The following CACNA1C variants were observed in gnomAD, a reference collection of about 807,000 sequenced individuals.
CACNA1C encodes voltage-dependent L-type calcium channel subunit alpha-1C.
A neutral mutation model predicts 229.0 loss-of-function variants in CACNA1C; 30 were observed. The ratio of observed to expected loss-of-function variants is 0.13; its 90% CI spans 0.10 to 0.18. The LOEUF (loss-of-function observed/expected upper bound fraction) is 0.18, where lower values mean the gene tolerates loss of function less well. Among genes scored for constraint, CACNA1C ranks in the 10% least tolerant of loss-of-function variants. CACNA1C has a pLI of 1.00. For synonymous variants in CACNA1C, 1,114 were observed against 1,132.5 expected, an observed-to-expected ratio of 0.98 and a Z score of 0.33; for missense variants, 1,658 against 2,845.0, an observed-to-expected ratio of 0.58 and a Z score of 9.49.
chr12:2,302,697 C>T (rs762641691), intron 3 of CACNA1C, among the ~76,000 whole-genome samples: 9 of 152,176 alleles, frequency 5.9e-5, no homozygotes, highest in Non-Finnish European at 1.0e-4. Flanking sequence ...AGCTTATTCG[C>T]CAAAATGTAT....
intron 38 of CACNA1C, 103 bp downstream of exon 38, chr12:2,669,138 C>T: frequency 1.2e-6 from 1 of 824,796 alleles, no homozygotes; most frequent in Non-Finnish European, 2.1e-6. Context: ...CTTCCTGCCC[C>T]AGACAGCATC....
intron 1 of CACNA1C, chr12:1,993,227 A>C: frequency 6.2e-7 from 1 of 1,614,054 alleles, no homozygotes. Flanking sequence ...GCCAAACTTC[A>C]GAAGTAAAAC....
At chr12:1,973,039 A>G (rs2033034988) in intron 1 of CACNA1C, among the ~76,000 whole-genome samples, 1 of 152,208 alleles carries the variant, frequency 6.6e-6, no homozygotes, top group African/African-American at 2.4e-5. Flanking sequence ...TTTGCACTCA[A>G]AATGCTTTCC....
chr12:2,589,410 G>A (rs2064087307), intron 18 of CACNA1C, among the ~76,000 whole-genome samples: 1 of 152,254 alleles, frequency 6.6e-6, no homozygotes, highest in African/African-American at 2.4e-5. Flanking sequence ...AAAAGAACTA[G>A]ACATGGAATC....
chr12:2,098,231 C>G (rs2075064372), intron 1 of CACNA1C, among the ~76,000 whole-genome samples: 1 of 152,076 alleles, frequency 6.6e-6, no homozygotes, highest in Non-Finnish European at 1.5e-5. Flanking sequence ...TTTTTCGTTG[C>G]CTTCTACCTT....
intron 3 of CACNA1C, among the ~76,000 whole-genome samples, chr12:2,430,499 T>C (rs1180000435): frequency 6.6e-6 from 1 of 152,134 alleles, no homozygotes; most frequent in Non-Finnish European, 1.5e-5. Flanking sequence ...CAGAAAACTG[T>C]AGACCCATCC....
chr12:2,115,309 C>G lies in CACNA1C; in HGVS notation c.135C>G (p.Thr45=), dbSNP rs749123185. The change falls in exon 2 of 47, where the codon ACC becomes ACG. Residue 45 remains threonine, a synonymous_variant. Coordinates refer to ENST00000399655, the MANE Select transcript of CACNA1C (RefSeq NM_000719.7). Reference sequence around the variant, plus strand: ...GGCTGGCCCCTGAGCACATCCCCACCCCGGGGGCTGCCCTGTCGTGGCAGG... The same window carrying G: ...GGCTGGCCCCTGAGCACATCCCCACGCCGGGGGCTGCCCTGTCGTGGCAGG... ...AAGLAPEHIP[T]PGAALSWQAA... 142 of 1,594,360 alleles carry G rather than the reference C, an allele frequency of 8.9e-5. No homozygotes were observed. Among genetic ancestry groups the G allele is most frequent in the Non-Finnish European group, 1.1e-4 (127 of 1,172,368 alleles).
intron 5 of CACNA1C, among the ~76,000 whole-genome samples, chr12:2,462,591 A>G (rs552051916): frequency 6.6e-6 from 1 of 152,314 alleles, no homozygotes; most frequent in Admixed American, 6.5e-5. Context: ...GGTGATAAAT[A>G]TCTGTAGAAT....
intron 9 of CACNA1C, among the ~76,000 whole-genome samples, chr12:2,547,872 T>C (rs1187213844): frequency 6.6e-6 from 1 of 152,110 alleles, no homozygotes; most frequent in Non-Finnish European, 1.5e-5. Context: ...GAAGGTGCTG[T>C]CGTTATTTCC....
intron 3 of CACNA1C, among the ~76,000 whole-genome samples, chr12:2,316,032 C>A (rs1268274144): frequency 2.0e-5 from 3 of 152,212 alleles, no homozygotes; most frequent in African/African-American, 7.2e-5. Flanking sequence ...GTAAGAATAA[C>A]CATAAGTTAT....
At chr12:2,274,145 T>A (rs1383069339) in intron 3 of CACNA1C, among the ~76,000 whole-genome samples, 1 of 152,202 alleles carries the variant, frequency 6.6e-6, no homozygotes, top group Non-Finnish European at 1.5e-5. Context: ...GCCTCCTCGT[T>A]TATGGCAGCA....
intron 30 of CACNA1C, among the ~76,000 whole-genome samples, chr12:2,644,335 C>T (rs1239511431): frequency 6.6e-6 from 1 of 152,198 alleles, no homozygotes; most frequent in Admixed American, 6.5e-5. Flanking sequence ...CTTATGCCCC[C>T]TTCACAATGC....
At chr12:2,567,849 G>A (rs1357962901) in intron 13 of CACNA1C, 55 bp downstream of exon 13, 5 of 1,090,098 alleles carry the variant, frequency 4.6e-6, no homozygotes, top group Non-Finnish European at 6.8e-6. Context: ...AGTTCTTCCA[G>A]AGGGCAAGGG....
intron 3 of CACNA1C, among the ~76,000 whole-genome samples, chr12:2,136,152 G>A (rs2093449721): frequency 6.6e-6 from 1 of 151,402 alleles, no homozygotes; most frequent in South Asian, 2.1e-4. Context: ...GCAATGCCTC[G>A]CCCTGCTTTG....
chr12:2,483,959 G>A (rs561662763), intron 5 of CACNA1C, among the ~76,000 whole-genome samples: 24 of 152,208 alleles, frequency 1.6e-4, no homozygotes, highest in Admixed American at 6.5e-4. Context: ...TTATTTAGAT[G>A]ATAAGTTTTG....
chr12:2,320,638 C>G (rs2095936976), intron 3 of CACNA1C, among the ~76,000 whole-genome samples: 1 of 152,154 alleles, frequency 6.6e-6, no homozygotes, highest in African/African-American at 2.4e-5. Flanking sequence ...GGTTTCTTTT[C>G]TCTCTGGGGG....
intron 3 of CACNA1C, among the ~76,000 whole-genome samples, chr12:2,302,524 C>T (rs1023152508): frequency 1.3e-5 from 2 of 152,004 alleles, no homozygotes; most frequent in African/African-American, 4.8e-5. Flanking sequence ...CTCTGGGACG[C>T]CTGGGGACAT....
chr12:2,607,988 A>G (rs1186541841), intron 26 of CACNA1C: 1 of 152,952 alleles, frequency 6.5e-6, no homozygotes, highest in Admixed American at 6.5e-5. Context: ...CCCAGGCTCA[A>G]ATGAATGGCA....
chr12:2,677,151 G>A lies in CACNA1C; in HGVS notation c.4886G>A (p.Arg1629Gln). Residue 1629 changes from arginine to glutamine, a missense_variant, in exon 40 of 47, where the codon CGG becomes CAG. Transcript: ENST00000399655. This position sits in a 1 kb window ranked among gnomAD's most constrained non-coding sequence, Gnocchi z 7.4. ...YATFLIQEYF[R>Q]KFKKRKEQGL... ...ACGTTCCTGATCCAGGAGTACTTCC[G>A]GAAGTTCAAGAAGCGCAAAGAGCAG... 1.2e-6 allele frequency: 2 copies of A among 1,613,724 alleles called. No individual in the cohort carries two copies. Among genetic ancestry groups the A allele is most frequent in the Non-Finnish European group, 1.7e-6 (2 of 1,179,804 alleles).
Sources: gnomAD v4.1 joint callset for allele counts (sites outside exome capture counted in the v4.1 genomes callset) on GRCh38, gnomAD v4.1.1 for gene constraint, Gnocchi (gnomAD v3.1) non-coding constraint, MANE v1.5 for transcripts, NCBI Gene and HGNC (gene_info 2026-07-23, HGNC 2026-07-21) for gene names.